Variants in PTCD2 observed in about 807,000 individuals in gnomAD.
PTCD2 encodes pentatricopeptide repeat domain 2, also known as pentatricopeptide repeat-containing protein 2, mitochondrial.
Under a neutral mutation model 42.6 loss-of-function variants are expected in PTCD2, and 31 were observed. The observed-to-expected ratio is 0.73, with a 90% confidence interval of 0.55 to 0.98. PTCD2 has a LOEUF of 0.98. Among genes scored for constraint, PTCD2 ranks in the 50% least tolerant of loss-of-function variants. The probability of loss-of-function intolerance (pLI) is 0.00; values close to 1 mark genes in which losing one functional copy is unlikely to be tolerated. For missense variants in PTCD2, 476 were observed against 454.8 expected (o/e 1.05, Z -0.42); for synonymous variants, 183 against 170.9 (o/e 1.07, Z -0.55).
intron 8 of PTCD2, among the ~76,000 whole-genome samples, chr5:72,344,790 C>G (rs73102439): frequency 0.017 from 2,524 of 152,154 alleles, 76 homozygotes; most frequent in African/African-American, 0.056. Context: ...CCCCGTGAGC[C>G]ATAAAACCAG....
chr5:72,345,393 C>T (rs1752308186), intron 8 of PTCD2, among the ~76,000 whole-genome samples: 1 of 152,196 alleles, frequency 6.6e-6, no homozygotes, highest in South Asian at 2.1e-4. Flanking sequence ...ACATGCTCTA[C>T]AAACAATTTG....
At chr5:72,349,943 G>A (rs972381072) in intron 8 of PTCD2, among the ~76,000 whole-genome samples, 1 of 152,222 alleles carries the variant, frequency 6.6e-6, no homozygotes, top group Non-Finnish European at 1.5e-5. Flanking sequence ...GAGAAGTTGG[G>A]AAAACTTAGG....
intron 4 of PTCD2, among the ~76,000 whole-genome samples, chr5:72,334,181 T>G (rs751583465): frequency 6.6e-6 from 1 of 152,164 alleles, no homozygotes; most frequent in Non-Finnish European, 1.5e-5. Flanking sequence ...TATACAATTT[T>G]TATTTGTCAA....
At chr5:72,323,616 T>C (rs527974238) in intron 2 of PTCD2, among the ~76,000 whole-genome samples, 75 of 152,132 alleles carry the variant, frequency 4.9e-4, no homozygotes, top group Non-Finnish European at 9.0e-4. Context: ...GCCAGATGTT[T>C]GTGAGCTCCT....
rs1753191245 is a variant in PTCD2, at chr5:72,365,823, AT to A, written c.*7398del. The A allele has an allele frequency of 6.6e-6, 1 of 152,214 alleles. No homozygotes were observed. Among genetic ancestry groups the A allele is most frequent in the African/African-American group, 2.4e-5 (1 of 41,448 alleles). 9.4% of individuals were successfully genotyped at this position (152,214 alleles called of 1,614,324 possible). ...GAAGATCATAATCGATTTTTAACAC[AT>A]TGGTCCTTAGGTGATACAGAATTCA... is the stretch of plus-strand genomic sequence containing the variant. On this transcript the variant is annotated 3_prime_UTR_variant, in exon 10 of 10. Transcript: ENST00000380639.
intron 9 of PTCD2, 43 bp from the exon 10 acceptor site, chr5:72,358,160 A>C: frequency 6.6e-7 from 1 of 1,507,892 alleles, no homozygotes; most frequent in Non-Finnish European, 9.2e-7. Flanking sequence ...AATAAGGAAG[A>C]AATCTTGCAG....
At chr5:72,335,622 T>C (rs1013408424) in intron 5 of PTCD2, 172 bp from the exon 6 acceptor site, 6 of 493,362 alleles carry the variant, frequency 1.2e-5, no homozygotes, top group Non-Finnish European at 2.2e-5. Flanking sequence ...TAGTTCTTCC[T>C]GTTTGACTTG....
At position 72,331,373 on chromosome 5, in the gene PTCD2, C is replaced by G. The variant is rs760235379; in HGVS notation, c.466C>G (p.Gln156Glu). ...EESAVELMKD[Q>E]HLRGFFSDST... ...ATCTGCAGTGGAGCTCATGAAAGAC[C>G]AGGTTATTGTTTCCTAATTGTTTTC... The change falls in exon 4 of 10, where the codon CAG (glutamine) becomes GAG (glutamate). Residue 156 changes from glutamine to glutamate, a missense_variant and splice_region_variant. Transcript: ENST00000380639. 8 of 1,596,492 alleles carry G rather than the reference C, an allele frequency of 5.0e-6. No individual in the cohort carries two copies. The South Asian group carries it at 8.8e-5, about 18-fold the overall frequency.
chr5:72,347,375 T>C (rs1017273044), intron 8 of PTCD2, among the ~76,000 whole-genome samples: 24 of 152,300 alleles, frequency 1.6e-4, no homozygotes, highest in African/African-American at 5.5e-4. Flanking sequence ...TCGTGGCCTA[T>C]CTCTCACAGT....
At position 72,331,244 on chromosome 5, in the gene PTCD2, A is replaced by G. The variant is rs1157397034; in HGVS notation, c.351-14A>G. ...GTCCTACCTTTTGGCTCATTGAATC[A>G]TTTTCATTACCAGGTACCATGCAGA... On this transcript the variant is annotated splice_polypyrimidine_tract_variant and intron_variant, in intron 3 of 9. Coordinates refer to ENST00000380639, the MANE Select transcript of PTCD2 (RefSeq NM_024754.5). The G allele has an allele frequency of 6.4e-7, 1 of 1,554,282 alleles. No homozygotes were observed. Among genetic ancestry groups the G allele is most frequent in the Non-Finnish European group, 8.9e-7 (1 of 1,125,564 alleles).
intron 7 of PTCD2, among the ~76,000 whole-genome samples, chr5:72,340,025 A>G (rs1314334299): frequency 3.3e-5 from 5 of 152,200 alleles, no homozygotes; most frequent in South Asian, 2.1e-4. Context: ...TTGCTTTATA[A>G]TATGATGCTA....
In PTCD2 at chr5:72,361,152, A is replaced by T. The variant is rs1197088382; in HGVS notation, c.*2725A>T. On this transcript the variant is annotated 3_prime_UTR_variant, in exon 10 of 10. Coordinates refer to ENST00000380639, the MANE Select transcript of PTCD2 (RefSeq NM_024754.5). ...ACAGTTACTAGAAGGAGACAAAAAG[A>T]TATCTTCTTAATTAGGTGATATCAG... The T allele has an allele frequency of 6.6e-6, 1 of 152,194 alleles. No homozygotes were observed. Among genetic ancestry groups the T allele is most frequent in the Non-Finnish European group, 1.5e-5 (1 of 68,042 alleles). The allele number at this position is 152,194 out of a possible 1,614,324, so 9.4% of individuals were successfully genotyped here.
chr5:72,323,446 T>A (rs971463842), intron 2 of PTCD2, among the ~76,000 whole-genome samples: 1 of 152,150 alleles, frequency 6.6e-6, no homozygotes, highest in Non-Finnish European at 1.5e-5. Flanking sequence ...ATTTCATACC[T>A]TTTATTGTGT....
At chr5:72,342,411 T>C (rs1752118150) in intron 7 of PTCD2, among the ~76,000 whole-genome samples, 1 of 152,238 alleles carries the variant, frequency 6.6e-6, no homozygotes, top group Non-Finnish European at 1.5e-5. Flanking sequence ...CCACGGAAGT[T>C]CTCTTTACTA....
intron 2 of PTCD2, among the ~76,000 whole-genome samples, chr5:72,324,648 T>C (rs1455785723): frequency 6.6e-6 from 1 of 152,198 alleles, no homozygotes; most frequent in Non-Finnish European, 1.5e-5. Context: ...CTCTGAGTTG[T>C]AATAGGTGTC....
chr5:72,322,678 C>A (rs1044921401), intron 2 of PTCD2, among the ~76,000 whole-genome samples: 1 of 152,114 alleles, frequency 6.6e-6, no homozygotes, highest in African/African-American at 2.4e-5. Context: ...TTTGATGTAA[C>A]CTTCAGTGAA....
chr5:72,348,879 C>T (rs776845217), intron 8 of PTCD2, among the ~76,000 whole-genome samples: 4 of 152,220 alleles, frequency 2.6e-5, no homozygotes, highest in Admixed American at 6.5e-5. Flanking sequence ...CTTTCTCCTA[C>T]CCACTTAGGT....
At chr5:72,339,997 A>AG (rs1751971215) in intron 7 of PTCD2, among the ~76,000 whole-genome samples, 1 of 152,102 alleles carries the variant, frequency 6.6e-6, no homozygotes, top group African/African-American at 2.4e-5. Flanking sequence ...TCTCTTATAT[A>AG]CTGCATAAAT....
intron 6 of PTCD2, among the ~76,000 whole-genome samples, chr5:72,337,407 T>C (rs1460042991): frequency 6.6e-6 from 1 of 151,804 alleles, no homozygotes; most frequent in Non-Finnish European, 1.5e-5. Context: ...CACACAGCAC[T>C]AGAGCATCAC....
Sources: allele counts gnomAD v4.1 joint callset (sites outside exome capture counted in the v4.1 genomes callset), GRCh38; gene constraint gnomAD v4.1.1; transcripts MANE v1.5; gene names NCBI Gene and HGNC (gene_info 2026-07-23, HGNC 2026-07-21).